The following IQCM variants were observed in gnomAD, a reference collection of about 807,000 sequenced individuals.
IQCM encodes IQ motif containing M.
IQCM carries 45 observed loss-of-function variants against 57.6 expected under a neutral mutation model. The observed-to-expected ratio is 0.78, with a 90% CI of 0.62 to 1.00. The LOEUF is 1.00. Among genes scored for constraint, IQCM ranks in the 50% least tolerant of loss-of-function variants. The pLI is 0.00. For missense variants in IQCM, 468 were observed against 511.6 expected, an observed-to-expected ratio of 0.91 and a Z score of 0.82; for synonymous variants, 148 against 158.9, an observed-to-expected ratio of 0.93 and a Z score of 0.51.
chr4:149,742,074 A>G (rs1046663447), intron 3 of IQCM, among the ~76,000 whole-genome samples: 1 of 152,150 alleles, frequency 6.6e-6, no homozygotes, highest in Non-Finnish European at 1.5e-5. Context: ...TAATTTTTAT[A>G]GAATATTTTA....
chr4:149,536,540 A>G (rs561168756), intron 12 of IQCM, among the ~76,000 whole-genome samples: 2 of 152,106 alleles, frequency 1.3e-5, no homozygotes, highest in Admixed American at 6.6e-5. Context: ...TATAATTAAT[A>G]CTATATCATC....
intron 13 of IQCM, chr4:149,429,911 C>T (rs907448347): frequency 7.2e-6 from 7 of 972,796 alleles, no homozygotes; most frequent in Non-Finnish European, 9.3e-6. Flanking sequence ...TTGAAAATAA[C>T]AACGTAATGC....
At chr4:149,354,949 T>A (rs367939486) in intron 13 of IQCM, among the ~76,000 whole-genome samples, 13 of 152,266 alleles carry the variant, frequency 8.5e-5, no homozygotes, top group East Asian at 7.7e-4. Context: ...AACACTCTAC[T>A]TTCCATTCCA....
At chr4:149,443,710 A>AAAGGG (rs1736209206) in intron 12 of IQCM, among the ~76,000 whole-genome samples, 1 of 150,022 alleles carries the variant, frequency 6.7e-6, no homozygotes, top group South Asian at 2.1e-4. Context: ...AAAGGAAAGG[A>AAAGGG]AAGGAAAGGA....
At chr4:149,599,131 T>C (rs1347474244) in intron 8 of IQCM, among the ~76,000 whole-genome samples, 1 of 152,044 alleles carries the variant, frequency 6.6e-6, no homozygotes, top group Non-Finnish European at 1.5e-5. Flanking sequence ...TTGTAGCAGG[T>C]TTTTTCACAA....
At chr4:149,683,711 A>G (rs899826929) in intron 6 of IQCM, among the ~76,000 whole-genome samples, 2 of 151,332 alleles carry the variant, frequency 1.3e-5, no homozygotes, top group African/African-American at 2.4e-5. Context: ...GTGTTATTTA[A>G]TCTCCAAGTT....
chr4:149,787,913 A>G (rs1009872594), intron 2 of IQCM, among the ~76,000 whole-genome samples: 2 of 152,216 alleles, frequency 1.3e-5, no homozygotes, highest in Non-Finnish European at 2.9e-5. Context: ...GGAAGAAAAT[A>G]TTTGCACACT....
At chr4:149,518,123 C>T (rs559945003) in intron 12 of IQCM, among the ~76,000 whole-genome samples, 5 of 152,024 alleles carry the variant, frequency 3.3e-5, no homozygotes, top group Non-Finnish European at 7.4e-5. Flanking sequence ...CATGGCCAAG[C>T]CCAACACCAA....
intron 13 of IQCM, among the ~76,000 whole-genome samples, chr4:149,353,267 CAA>C (rs976638920): frequency 6.6e-6 from 1 of 152,082 alleles, no homozygotes; most frequent in African/African-American, 2.4e-5. Flanking sequence ...TGGCTATTAT[CAA>C]AAAGTCTAGA....
intron 12 of IQCM, among the ~76,000 whole-genome samples, chr4:149,538,179 A>T (rs1747490722): frequency 6.6e-6 from 1 of 151,756 alleles, no homozygotes; most frequent in Non-Finnish European, 1.5e-5. Flanking sequence ...AAACATAATT[A>T]TAAAACTATA....
chr4:149,768,519 C>T (rs1395841729), intron 2 of IQCM, among the ~76,000 whole-genome samples: 1 of 152,044 alleles, frequency 6.6e-6, no homozygotes, highest in African/African-American at 2.4e-5. Context: ...TGGACAAGTG[C>T]ATTTTAAAGT....
chr4:149,439,019 A>C (rs575247262), intron 12 of IQCM, among the ~76,000 whole-genome samples: 1 of 152,198 alleles, frequency 6.6e-6, no homozygotes, highest in South Asian at 2.1e-4. Flanking sequence ...AAATTATAGC[A>C]AATATTACCA....
At chr4:149,735,135 G>A (rs1220666852) in intron 4 of IQCM, among the ~76,000 whole-genome samples, 1 of 152,000 alleles carries the variant, frequency 6.6e-6, no homozygotes. Context: ...AATTTAAATT[G>A]TATTAAATGT....
chr4:149,432,181 T>C (rs1734934386), intron 13 of IQCM, among the ~76,000 whole-genome samples: 1 of 151,838 alleles, frequency 6.6e-6, no homozygotes. Flanking sequence ...ACCAGTAATG[T>C]GTGAGTGTTT....
At chr4:149,383,211 G>T (rs563575407) in intron 13 of IQCM, among the ~76,000 whole-genome samples, 1 of 152,244 alleles carries the variant, frequency 6.6e-6, no homozygotes, top group Admixed American at 6.5e-5. Context: ...GCCATATGTA[G>T]ACACTTTAAA....
At chr4:149,472,986 A>C (rs552523540) in intron 12 of IQCM, among the ~76,000 whole-genome samples, 3 of 152,382 alleles carry the variant, frequency 2.0e-5, no homozygotes, top group East Asian at 3.9e-4. Context: ...GATGGATTAA[A>C]GACTTAAATG....
intron 12 of IQCM, among the ~76,000 whole-genome samples, chr4:149,481,705 T>TTTTGTTGTTG (rs1740861555): frequency 1.5e-5 from 2 of 133,126 alleles, no homozygotes; most frequent in African/African-American, 2.8e-5. Flanking sequence ...AGTTTTGTTT[T>TTTTGTTGTTG]TTTTTTTTTT....
intron 12 of IQCM, among the ~76,000 whole-genome samples, chr4:149,538,265 T>C (rs1034707430): frequency 2.0e-5 from 3 of 151,722 alleles, no homozygotes; most frequent in Non-Finnish European, 4.4e-5. Context: ...CAGGAAGCTG[T>C]ATTGAAGCAA....
intron 5 of IQCM, among the ~76,000 whole-genome samples, chr4:149,700,321 T>A (rs1763671155): frequency 1.3e-5 from 2 of 152,002 alleles, no homozygotes; most frequent in Non-Finnish European, 2.9e-5. Context: ...ATCCGGCCCC[T>A]TGTAATTGTT....
Sources: gnomAD v4.1 joint callset for allele counts (sites outside exome capture counted in the v4.1 genomes callset) on GRCh38, gnomAD v4.1.1 for gene constraint, MANE v1.5 for transcripts, NCBI Gene and HGNC (gene_info 2026-07-23, HGNC 2026-07-21) for gene names.